Variants in EFTUD2 observed in about 807,000 individuals in gnomAD.
The protein encoded by EFTUD2 is 116 kDa U5 small nuclear ribonucleoprotein component.
A neutral mutation model predicts 114.3 loss-of-function variants in EFTUD2; 9 were observed. The ratio of observed to expected loss-of-function variants is 0.08; its 90% CI spans 0.05 to 0.14. The LOEUF is 0.14. Ranked by LOEUF, EFTUD2 falls within the 10% of genes least tolerant of loss-of-function variation. EFTUD2 has a pLI of 1.00. For missense variants in EFTUD2, 765 were observed against 1,241.2 expected (o/e 0.62, Z 5.76); for synonymous variants, 449 against 462.3 (o/e 0.97, Z 0.37).
At chr17:44,859,240 A>C in intron 18 of EFTUD2, 59 bp from the exon 19 acceptor site, 1 of 1,234,658 alleles carries the variant, frequency 8.1e-7, no homozygotes, top group Non-Finnish European at 1.2e-6. Context: ...GGCACACACA[A>C]ACAAAATCAA....
intron 1 of EFTUD2, among the ~76,000 whole-genome samples, chr17:44,897,017 C>T (rs897265936): frequency 6.6e-6 from 1 of 152,008 alleles, no homozygotes; most frequent in Admixed American, 6.6e-5. Flanking sequence ...GAGATCGAGA[C>T]CATCCTGGCT....
At chr17:44,885,955 G>C (rs1387285546) in intron 3 of EFTUD2, among the ~76,000 whole-genome samples, 1 of 151,978 alleles carries the variant, frequency 6.6e-6, no homozygotes, top group South Asian at 2.1e-4. Flanking sequence ...TGGACAATAA[G>C]GCTGGTTGCA....
In EFTUD2 at chr17:44,854,823, T is replaced by C. The variant is rs116064629; in HGVS notation, c.2132+95A>G. The C allele has an allele frequency of 7.7e-4, 1,207 of 1,566,694 alleles. 7 individuals are homozygous for C. In the African/African-American group the frequency reaches 0.015, roughly 19 times the overall value. On this transcript the variant is annotated intron_variant, in intron 21 of 27. Transcript: ENST00000426333. This position sits in a 1 kb window ranked among gnomAD's most constrained non-coding sequence, Gnocchi z 4.3. ...ACAAGAGCAAAGGCAAAGACATAAA[T>C]GCTCCCCAGAAAGATGTGTGCTCTT...
chr17:44,866,460 G>C (rs1047144388), intron 13 of EFTUD2, among the ~76,000 whole-genome samples: 1 of 152,064 alleles, frequency 6.6e-6, no homozygotes, highest in African/African-American at 2.4e-5. Flanking sequence ...ACCCAGGCTG[G>C]AGTGCAGTGG....
chr17:44,881,913 GGT>G, intron 6 of EFTUD2, 191 bp from the exon 7 acceptor site: 1 of 571,880 alleles, frequency 1.7e-6, no homozygotes, highest in Non-Finnish European at 3.1e-6. Flanking sequence ...AATGCTCCTG[GGT>G]GTGTGGAGGG....
At chr17:44,853,999 T>C in intron 23 of EFTUD2, 1 of 1,355,386 alleles carries the variant, frequency 7.4e-7, no homozygotes, top group Non-Finnish European at 9.5e-7. Flanking sequence ...ATCATCCTCT[T>C]GATATCTCTT....
At chr17:44,879,405 T>A in intron 9 of EFTUD2, 151 bp downstream of exon 9, 1 of 734,118 alleles carries the variant, frequency 1.4e-6, no homozygotes, top group Non-Finnish European at 2.3e-6. Context: ...TTTGAAACAT[T>A]TGCTGCTTTA....
chr17:44,850,246 A>C lies in EFTUD2; in HGVS notation c.*1028T>G. 9.9e-7 allele frequency: 1 copy of C among 1,008,844 alleles called. No homozygotes were observed. The highest frequency in any genetic ancestry group is 1.5e-6 in the Non-Finnish European group (1 of 663,226). The allele number at this position is 1,008,844 out of a possible 1,614,324, so 62.5% of individuals were successfully genotyped here. On this transcript the variant is annotated 3_prime_UTR_variant, in exon 28 of 28. Coordinates refer to ENST00000426333, the MANE Select transcript of EFTUD2 (RefSeq NM_004247.4). Reference sequence around the variant, plus strand: ...AAGCTGGACTCTCAAGGGAGCAGCTAGAGGTGAACCCCTAGGACGCCTGAG... The same window carrying C: ...AAGCTGGACTCTCAAGGGAGCAGCTCGAGGTGAACCCCTAGGACGCCTGAG...
intron 20 of EFTUD2, among the ~76,000 whole-genome samples, chr17:44,856,509 G>A (rs1406488076): frequency 6.8e-6 from 1 of 147,490 alleles, no homozygotes; most frequent in African/African-American, 2.5e-5. Flanking sequence ...CAGCCTGGGC[G>A]ACAGAGCGAG....
intron 27 of EFTUD2, 97 bp downstream of exon 27, chr17:44,851,613 G>T: frequency 8.0e-7 from 1 of 1,248,538 alleles, no homozygotes; most frequent in Non-Finnish European, 1.1e-6. Flanking sequence ...TTGGAAAAGT[G>T]TCCCTTAGGA....
intron 10 of EFTUD2, among the ~76,000 whole-genome samples, chr17:44,873,633 A>C (rs1407233949): frequency 6.6e-6 from 1 of 152,074 alleles, no homozygotes; most frequent in Non-Finnish European, 1.5e-5. Flanking sequence ...TCTAGGTATA[A>C]GCCACTGTGC....
intron 10 of EFTUD2, 21 bp downstream of exon 10, chr17:44,875,913 C>T: frequency 1.2e-6 from 2 of 1,607,310 alleles, no homozygotes; most frequent in African/African-American, 2.7e-5. Context: ...GACAGGAAAT[C>T]CACTCCCAGG....
intron 10 of EFTUD2, among the ~76,000 whole-genome samples, chr17:44,875,254 G>A (rs554847322): frequency 6.6e-6 from 1 of 152,080 alleles, no homozygotes; most frequent in African/African-American, 2.4e-5. Flanking sequence ...AAATTGGCCG[G>A]GGGTGGTGGT....
At chr17:44,873,800 C>T (rs1293790811) in intron 10 of EFTUD2, among the ~76,000 whole-genome samples, 2 of 149,430 alleles carry the variant, frequency 1.3e-5, no homozygotes, top group Non-Finnish European at 1.5e-5. Flanking sequence ...GGTGCAATCT[C>T]AGCTCACTGC....
intron 19 of EFTUD2, among the ~76,000 whole-genome samples, chr17:44,858,303 G>A (rs990615856): frequency 2.6e-5 from 4 of 152,204 alleles, no homozygotes; most frequent in East Asian, 3.9e-4. Context: ...TGGCATGATC[G>A]TAGCTCACTG....
At chr17:44,867,174 A>C (rs1389082397) in intron 13 of EFTUD2, among the ~76,000 whole-genome samples, 2 of 152,190 alleles carry the variant, frequency 1.3e-5, no homozygotes, top group Admixed American at 6.5e-5. Context: ...TTATATCTGT[A>C]AGTTAAATTT....
chr17:44,860,595 ATTTTTTTTT>A, intron 16 of EFTUD2, 52 bp from the exon 17 acceptor site: 2 of 672,036 alleles, frequency 3.0e-6, no homozygotes, highest in African/African-American at 2.1e-5. Context: ...GCATTCCCTA[ATTTTTTTTT>A]TTTTTTTTTT....
At chr17:44,857,336 A>C in intron 19 of EFTUD2, 179 bp from the exon 20 acceptor site, 1 of 533,438 alleles carries the variant, frequency 1.9e-6, no homozygotes, top group Non-Finnish European at 3.4e-6. Context: ...TCATCACCAA[A>C]AAGCCCAAGA....
chr17:44,863,671 C>T lies in EFTUD2; in HGVS notation c.1397G>A (p.Ser466Asn), dbSNP rs753253075. 1.2e-6 allele frequency: 2 copies of T among 1,614,062 alleles called. No homozygotes were observed. The highest frequency in any genetic ancestry group is 1.7e-6 in the Non-Finnish European group (2 of 1,179,950). ...TGCCCTTACATCAGGGTCACAGTCA[C>T]TCATAGCCTCGCCGAGGTCGGAGTC... ...GVDSDLGEAM[S>N]DCDPDGPLMC... Residue 466 changes from serine (S) to asparagine (N), a missense_variant, in exon 15 of 28, where the codon AGT (serine) becomes AAT (asparagine). Transcript: ENST00000426333.
Sources: allele counts gnomAD v4.1 joint callset (sites outside exome capture counted in the v4.1 genomes callset), GRCh38; gene constraint gnomAD v4.1.1; non-coding constraint Gnocchi (gnomAD v3.1); transcripts MANE v1.5; gene names NCBI Gene and HGNC (gene_info 2026-07-23, HGNC 2026-07-21).